CFAP74: variants seen among roughly 807,000 people sequenced by gnomAD.
CFAP74 encodes the protein cilia- and flagella-associated protein 74.
CFAP74 carries 124 observed loss-of-function variants against 188.9 expected under a neutral mutation model. The observed-to-expected ratio is 0.66, with a 90% confidence interval of 0.57 to 0.76. The LOEUF (loss-of-function observed/expected upper bound fraction) is 0.76. Among genes scored for constraint, CFAP74 ranks in the 30% least tolerant of loss-of-function variants. The pLI is 0.00. For missense variants in CFAP74, 2,198 were observed against 2,165.2 expected (o/e 1.02, Z -0.30); for synonymous variants, 956 against 916.7 (o/e 1.04, Z -0.77).
At chr1:1,959,645 C>G (rs1477795613) in intron 15 of CFAP74, among the ~76,000 whole-genome samples, 1 of 152,116 alleles carries the variant, frequency 6.6e-6, no homozygotes, top group Non-Finnish European at 1.5e-5. Flanking sequence ...TCGGGTGACC[C>G]CAGGGGAAAG....
chr1:1,988,134 C>A, intron 4 of CFAP74: 1 of 479,404 alleles, frequency 2.1e-6, no homozygotes, highest in South Asian at 1.5e-5. Context: ...TTAGGAGACG[C>A]TGAAATATTT....
chr1:1,986,589 G>A (rs918566788), intron 5 of CFAP74, among the ~76,000 whole-genome samples: 2 of 152,212 alleles, frequency 1.3e-5, no homozygotes, highest in East Asian at 1.9e-4. Context: ...CGTTTCCAGC[G>A]TCCCCCAGGC....
chr1:1,962,640 T>G (rs1655174325), intron 14 of CFAP74, among the ~76,000 whole-genome samples: 1 of 151,682 alleles, frequency 6.6e-6, no homozygotes. Flanking sequence ...ATCCCAGCAC[T>G]TGGGGAGGCT....
chr1:1,943,991 T>C (rs564123186), intron 21 of CFAP74, among the ~76,000 whole-genome samples: 3 of 152,226 alleles, frequency 2.0e-5, no homozygotes, highest in Admixed American at 6.5e-5. Flanking sequence ...CCCTCCTGCC[T>C]CCCTGTGACG....
At position 1,930,166 on chromosome 1, in the gene CFAP74, C is replaced by T; in HGVS notation, c.3182G>A (p.Gly1061Asp). 6.5e-7 allele frequency: 1 copy of T among 1,535,660 alleles called. No homozygotes were observed. The highest frequency in any genetic ancestry group is 8.7e-7 in the Non-Finnish European group (1 of 1,146,722). The change falls in exon 26 of 39, where the codon GGC (glycine) becomes GAC (aspartate). Residue 1061 changes from glycine to aspartate, a missense_variant. Coordinates refer to ENST00000682832, the MANE Select transcript of CFAP74 (RefSeq NM_001304360.2). ...CCCCATGGGAGAGGCGTCCTCTGAG[C>T]CAATGCGGGGCTTGGAGTGGGTCGG... ...SSPTHSKPRI[G>D]SEDASPMGPT...
At chr1:1,927,438 G>A in intron 28 of CFAP74, 169 bp downstream of exon 28, 3 of 673,886 alleles carry the variant, frequency 4.5e-6, no homozygotes, top group Non-Finnish European at 7.4e-6. Flanking sequence ...GGGGTGGGTA[G>A]GTCCCAGGAA....
rs933206547 is a variant in CFAP74 at position 1,991,897 on chromosome 1, G to T, written c.-19-922C>A. 2.0e-4 allele frequency among the ~76,000 whole-genome samples: 31 copies of T among 151,858 alleles called. No homozygotes were observed. In the East Asian group the frequency reaches 4.9e-3, roughly 24 times the overall value. On this transcript the variant is annotated intron_variant, in intron 1 of 38. Transcript: ENST00000682832. ...TACTAAAAAACAGAAAAAATTAGCC[G>T]GGCATGGTGGCAGGCGCCTGCGGTC...
At chr1:1,959,027 A>G in intron 16 of CFAP74, 93 bp downstream of exon 16, 1 of 654,372 alleles carries the variant, frequency 1.5e-6, no homozygotes, top group South Asian at 1.6e-5. Context: ...TCCCCCCGCC[A>G]ACCTGCACCC....
Position 1,938,662 on chromosome 1 carries a change from A to C in CFAP74, c.3011+193T>G, listed in dbSNP as rs1414370928. Among the ~76,000 whole-genome samples the C allele has an allele frequency of 3.9e-5, 6 of 152,236 alleles. No individual in the cohort carries two copies. The East Asian group carries it at 1.2e-3, about 29-fold the overall frequency. On this transcript the variant is annotated intron_variant, in intron 25 of 38. Coordinates refer to ENST00000682832, the MANE Select transcript of CFAP74 (RefSeq NM_001304360.2). ...ACACGTCTGAGTGGGCCCAGAACTC[A>C]AGGCTGCCTGGGTCCCAGGCCTCTC...
intron 11 of CFAP74, among the ~76,000 whole-genome samples, chr1:1,967,244 C>G (rs1047035488): frequency 6.6e-6 from 1 of 152,200 alleles, no homozygotes; most frequent in Non-Finnish European, 1.5e-5. Flanking sequence ...CGGAGCCTTG[C>G]CTATCTGCTC....
chr1:1,988,077 G>A (rs1381345060), intron 4 of CFAP74: 3 of 470,236 alleles, frequency 6.4e-6, no homozygotes, highest in South Asian at 4.6e-5. Flanking sequence ...CCAAGTCACT[G>A]GGACCACAGG....
At position 1,930,322 on chromosome 1, in the gene CFAP74, G is replaced by A; in HGVS notation, c.3026C>T (p.Ser1009Phe). The change falls in exon 26 of 39, where the codon TCT becomes TTT. Residue 1009 changes from serine (S) to phenylalanine (F), a missense_variant. Transcript: ENST00000682832. Reference protein sequence around the residue: ...KSEINRCFKLSCRAVGVHPPL... With the variant: ...KSEINRCFKLFCRAVGVHPPL... ...TGGGTGGACGCCTACAGCCCGGCAAGACAGCTTGAAGCACCTGCAAGCAGC... is the reference window on the plus strand; with the variant it reads ...TGGGTGGACGCCTACAGCCCGGCAAAACAGCTTGAAGCACCTGCAAGCAGC... The A allele has an allele frequency of 6.6e-7, 1 of 1,525,276 alleles. No individual in the cohort carries two copies. Among genetic ancestry groups the A allele is most frequent in the East Asian group, 2.5e-5 (1 of 40,638 alleles). The allele number at this position is 1,525,276 out of a possible 1,614,324, so 94.5% of individuals were successfully genotyped here.
chr1:1,980,094 G>GAC (rs77781040), intron 6 of CFAP74, among the ~76,000 whole-genome samples: 32,316 of 111,630 alleles, frequency 0.29, 4,464 homozygotes, highest in East Asian at 0.32. Context: ...GTGAACGAGA[G>GAC]TGTATCTAAG....
At chr1:1,957,893 G>A (rs1179830090) in intron 16 of CFAP74, among the ~76,000 whole-genome samples, 1 of 152,240 alleles carries the variant, frequency 6.6e-6, no homozygotes, top group Non-Finnish European at 1.5e-5. Context: ...GGAGAAGGCG[G>A]CAGCCACAGG....
intron 1 of CFAP74, among the ~76,000 whole-genome samples, chr1:1,994,479 T>C (rs1006676768): frequency 2.0e-5 from 3 of 152,182 alleles, no homozygotes; most frequent in Admixed American, 1.3e-4. Flanking sequence ...AAAGAAACAA[T>C]TGCATTTTAA....
intron 34 of CFAP74, among the ~76,000 whole-genome samples, chr1:1,924,148 C>CCCACCTCACCAACTGCCCCCA (rs1320009485): frequency 3.7e-5 from 3 of 81,180 alleles, no homozygotes; most frequent in African/African-American, 9.6e-5. Flanking sequence ...CTGCCCACCC[C>CCCACCTCACCAACTGCCCCCA]CCCAGCTCAC....
chr1:1,955,776 C>T lies in CFAP74; in HGVS notation c.2091G>A (p.Glu697=). ...TGTCCGCCTGGGAGGACTCCGTGCC[C>T]TCTAGCTGCTGCTCAGAGAAGCTGG... ...AATSFSEQQL[E]GTESSQADMQ... is the part of the protein sequence containing the mutation. The change falls in exon 18 of 39, where the codon GAG becomes GAA. Residue 697 remains glutamate, a synonymous_variant. Coordinates refer to ENST00000682832, the MANE Select transcript of CFAP74 (RefSeq NM_001304360.2). 1 of 1,614,236 alleles carries T rather than the reference C, an allele frequency of 6.2e-7. No individual in the cohort carries two copies. The highest frequency in any genetic ancestry group is 1.1e-5 in the South Asian group (1 of 91,090).
rs1653431855 is a variant in CFAP74 at position 1,942,251 on chromosome 1, A to C, written c.2487-95T>G. The C allele has an allele frequency of 1.1e-5, 14 of 1,280,162 alleles. No individual in the cohort carries two copies. The highest frequency in any genetic ancestry group is 2.0e-5 in the South Asian group (1 of 50,342). 79.3% of individuals were successfully genotyped at this position (1,280,162 alleles called of 1,614,324 possible). On this transcript the variant is annotated intron_variant, in intron 21 of 38. Transcript: ENST00000682832. This position sits in a 1 kb window ranked among gnomAD's most constrained non-coding sequence, Gnocchi z 4.3. ...GTTATTAAAACATTTCTGGCACCCAAGCCCCCGAGAGGTGCTCAGAGCCCA... is the reference window on the plus strand; with the variant it reads ...GTTATTAAAACATTTCTGGCACCCACGCCCCCGAGAGGTGCTCAGAGCCCA...
chr1:1,983,039 G>A (rs1003129634), intron 6 of CFAP74, among the ~76,000 whole-genome samples: 13 of 152,216 alleles, frequency 8.5e-5, no homozygotes, highest in African/African-American at 2.2e-4. Context: ...GGATGCCACC[G>A]CCAAACGCAA....
Sources: allele counts gnomAD v4.1 joint callset (sites outside exome capture counted in the v4.1 genomes callset), GRCh38; gene constraint gnomAD v4.1.1; non-coding constraint Gnocchi (gnomAD v3.1); transcripts MANE v1.5; gene names NCBI Gene and HGNC (gene_info 2026-07-23, HGNC 2026-07-21).